SMAD1: variants seen among roughly 807,000 people sequenced by gnomAD.
The protein encoded by SMAD1 is SMAD family member 1, also known as MAD, mothers against decapentaplegic homolog 1.
SMAD1 carries 6 observed loss-of-function variants against 41.6 expected under a neutral mutation model. The ratio of observed to expected loss-of-function variants is 0.14; its 90% CI spans 0.08 to 0.28. SMAD1 has a LOEUF of 0.28. Among genes scored for constraint, SMAD1 ranks in the 10% least tolerant of loss-of-function variants. The pLI, the probability that SMAD1 is intolerant of heterozygous loss-of-function variation, is 1.00. For missense variants in SMAD1, 379 were observed against 582.6 expected, an observed-to-expected ratio of 0.65 and a Z score of 3.60; for synonymous variants, 206 against 203.2, an observed-to-expected ratio of 1.01 and a Z score of -0.12.
intron 1 of SMAD1, among the ~76,000 whole-genome samples, chr4:145,505,897 T>C (rs1437247967): frequency 6.6e-6 from 1 of 151,376 alleles, no homozygotes; most frequent in East Asian, 1.9e-4. Context: ...CAGGCTGGAG[T>C]GCAATGGCAC....
At chr4:145,524,601 T>C (rs1326277856) in intron 2 of SMAD1, among the ~76,000 whole-genome samples, 2 of 152,334 alleles carry the variant, frequency 1.3e-5, no homozygotes, top group South Asian at 4.1e-4. Flanking sequence ...CTCATACTTT[T>C]GCTTTCCTGA....
chr4:145,505,003 A>G (rs1434435453), intron 1 of SMAD1, among the ~76,000 whole-genome samples: 1 of 152,196 alleles, frequency 6.6e-6, no homozygotes, highest in Non-Finnish European at 1.5e-5. Flanking sequence ...TTTAGTGTAT[A>G]ATCTTCTGTG....
At chr4:145,505,848 A>G (rs1452433803) in intron 1 of SMAD1, among the ~76,000 whole-genome samples, 1 of 151,694 alleles carries the variant, frequency 6.6e-6, no homozygotes, top group Non-Finnish European at 1.5e-5. Flanking sequence ...AAGGTCAAAC[A>G]ATTTTTTTTT....
At chr4:145,554,140 CATATT>C in intron 6 of SMAD1, 100 bp downstream of exon 6, 1 of 1,019,754 alleles carries the variant, frequency 9.8e-7, no homozygotes, top group South Asian at 1.7e-5. Flanking sequence ...CTCTTGATAA[CATATT>C]ATCATATTAG....
At chr4:145,491,909 A>C (rs1409078376) in intron 1 of SMAD1, among the ~76,000 whole-genome samples, 1 of 152,194 alleles carries the variant, frequency 6.6e-6, no homozygotes, top group Non-Finnish European at 1.5e-5. Context: ...TGTGAGACGC[A>C]GTGATGGTCT....
chr4:145,519,942 C>G (rs1039872799), intron 2 of SMAD1, among the ~76,000 whole-genome samples: 1 of 152,068 alleles, frequency 6.6e-6, no homozygotes, highest in Admixed American at 6.5e-5. Context: ...CAATAATGTC[C>G]GCCAGGTGTC....
intron 4 of SMAD1, chr4:145,544,712 T>G (rs1475304616): frequency 6.6e-6 from 1 of 152,228 alleles, no homozygotes; most frequent in East Asian, 1.9e-4. Flanking sequence ...GCCTCTGTAT[T>G]TTATGGTTCC....
chr4:145,554,079 A>C, intron 6 of SMAD1, 39 bp downstream of exon 6: 1 of 1,516,600 alleles, frequency 6.6e-7, no homozygotes. Context: ...GGCCTAACAT[A>C]CTTTTGCTGT....
intron 5 of SMAD1, among the ~76,000 whole-genome samples, chr4:145,551,974 C>T (rs1034076870): frequency 5.3e-5 from 8 of 152,130 alleles, no homozygotes; most frequent in African/African-American, 1.9e-4. Flanking sequence ...CAGTGGTCCA[C>T]TAATGGGAAA....
chr4:145,495,637 AC>A (rs1729029824), intron 1 of SMAD1, among the ~76,000 whole-genome samples: 1 of 137,494 alleles, frequency 7.3e-6, no homozygotes. Context: ...TTTTTTTTTA[AC>A]TAGACAGGGT....
chr4:145,537,994 G>T (rs1444164484), intron 2 of SMAD1, among the ~76,000 whole-genome samples: 3 of 152,204 alleles, frequency 2.0e-5, no homozygotes, highest in Non-Finnish European at 4.4e-5. Flanking sequence ...GTCCTCTGAA[G>T]GATAGAGGAC....
chr4:145,543,401 A>T (rs1052694859), intron 4 of SMAD1, among the ~76,000 whole-genome samples: 12 of 152,210 alleles, frequency 7.9e-5, no homozygotes, highest in Non-Finnish European at 1.6e-4. Context: ...TTCTTCTGTA[A>T]TTAGGATAGA....
At chr4:145,508,689 T>A (rs1451897781) in intron 1 of SMAD1, among the ~76,000 whole-genome samples, 1 of 152,210 alleles carries the variant, frequency 6.6e-6, no homozygotes, top group Non-Finnish European at 1.5e-5. Flanking sequence ...TATATATTAT[T>A]GTCTTAGTTT....
intron 2 of SMAD1, among the ~76,000 whole-genome samples, chr4:145,537,306 G>T (rs148427993): frequency 6.6e-6 from 1 of 152,166 alleles, no homozygotes; most frequent in East Asian, 1.9e-4. Context: ...TAGGGTAAAG[G>T]GACATGTATG....
At chr4:145,552,995 C>T (rs1732633768) in intron 5 of SMAD1, among the ~76,000 whole-genome samples, 1 of 152,048 alleles carries the variant, frequency 6.6e-6, no homozygotes, top group African/African-American at 2.4e-5. Flanking sequence ...GCCTCAACCT[C>T]CTTGCCTCAA....
chr4:145,529,475 G>A (rs1436433280), intron 2 of SMAD1, among the ~76,000 whole-genome samples: 1 of 152,178 alleles, frequency 6.6e-6, no homozygotes, highest in Admixed American at 6.5e-5. Flanking sequence ...TCCCTTTGGG[G>A]AAACTGAGGT....
At chr4:145,504,485 T>C (rs1729653380) in intron 1 of SMAD1, among the ~76,000 whole-genome samples, 1 of 152,224 alleles carries the variant, frequency 6.6e-6, no homozygotes, top group African/African-American at 2.4e-5. Flanking sequence ...TTTCATGCTT[T>C]TTGTTAGGAA....
At chr4:145,509,420 C>G (rs1021779467) in intron 1 of SMAD1, among the ~76,000 whole-genome samples, 1 of 152,130 alleles carries the variant, frequency 6.6e-6, no homozygotes, top group African/African-American at 2.4e-5. Context: ...AATGGTGGTT[C>G]TTATATAATA....
chr4:145,546,839 C>A lies in SMAD1; in HGVS notation c.912C>A (p.Asn304Lys). Reference sequence around the variant, plus strand: ...TGGATGGTTTCACTGATCCTTCCAACAATAAGAACCGTTTCTGCCTTGGGC... The same window carrying A: ...TGGATGGTTTCACTGATCCTTCCAAAAATAAGAACCGTTTCTGCCTTGGGC... ...VLVDGFTDPSNNKNRFCLGLL... is the reference protein window; with the variant it reads ...VLVDGFTDPSKNKNRFCLGLL... The change falls in exon 5 of 7, where the codon AAC (asparagine) becomes AAA (lysine). Residue 304 changes from asparagine (N) to lysine (K), a missense_variant. Physicochemically the swap from Asn to Lys is moderately conservative, Grantham distance 94 (BLOSUM62 0). This residue lies in a region of SMAD1 where 107 missense variants were observed against 218.3 expected (regional missense o/e 0.49). Transcript: ENST00000302085. 1.2e-6 allele frequency: 2 copies of A among 1,614,156 alleles called. No homozygotes were observed. Among genetic ancestry groups the A allele is most frequent in the South Asian group, 1.1e-5 (1 of 91,088 alleles).
Sources: gnomAD v4.1 joint callset for allele counts (sites outside exome capture counted in the v4.1 genomes callset) on GRCh38, gnomAD v4.1.1 for gene constraint, gnomAD v4.1.1 regional missense constraint, MANE v1.5 for transcripts, NCBI Gene and HGNC (gene_info 2026-07-23, HGNC 2026-07-21) for gene names.